The following SRRM4 variants were observed in gnomAD, a reference collection of about 807,000 sequenced individuals.
SRRM4 encodes the protein serine/arginine repetitive matrix 4, also known as serine/arginine repetitive matrix protein 4.
A neutral mutation model predicts 68.9 loss-of-function variants in SRRM4; 33 were observed. The observed-to-expected ratio is 0.48, with a 90% CI of 0.36 to 0.64. The LOEUF (loss-of-function observed/expected upper bound fraction) is 0.64. Ranked by LOEUF, SRRM4 falls within the 30% of genes least tolerant of loss-of-function variation. The pLI is 0.00. For synonymous variants in SRRM4, 318 were observed against 318.8 expected (o/e 1.00, Z 0.03); for missense variants, 817 against 827.1 (o/e 0.99, Z 0.15).
chr12:118,982,692 T>TG (rs1565882810), intron 1 of SRRM4, among the ~76,000 whole-genome samples: 26 of 102,774 alleles, frequency 2.5e-4, no homozygotes, highest in African/African-American at 9.1e-4. Context: ...TTTTTTTTTT[T>TG]TTTCCAAAAA....
chr12:119,068,897 G>A (rs1270485387), intron 1 of SRRM4, among the ~76,000 whole-genome samples: 1 of 152,082 alleles, frequency 6.6e-6, no homozygotes, highest in South Asian at 2.1e-4. Flanking sequence ...CGGGAGGGGA[G>A]GGCGACGAGT....
chr12:119,070,570 G>A (rs1953872300), intron 1 of SRRM4, among the ~76,000 whole-genome samples: 1 of 151,850 alleles, frequency 6.6e-6, no homozygotes, highest in Non-Finnish European at 1.5e-5. Flanking sequence ...ATATGGGGAG[G>A]TTTTAGGCGA....
chr12:118,985,339 T>A (rs1953275085), intron 1 of SRRM4, among the ~76,000 whole-genome samples: 1 of 152,222 alleles, frequency 6.6e-6, no homozygotes, highest in Non-Finnish European at 1.5e-5. Context: ...AACATTTCCA[T>A]GGAGCATTCT....
chr12:119,117,912 AAAACAAACAAAC>A (rs35121840), intron 4 of SRRM4, among the ~76,000 whole-genome samples: 4 of 152,066 alleles, frequency 2.6e-5, no homozygotes, highest in East Asian at 1.9e-4. Context: ...CTCTGTCTAA[AAAACAAACAAAC>A]AAACAAACAA....
intron 1 of SRRM4, among the ~76,000 whole-genome samples, chr12:119,097,472 C>T (rs1022595075): frequency 2.6e-5 from 4 of 152,246 alleles, no homozygotes; most frequent in Non-Finnish European, 5.9e-5. Flanking sequence ...GGAAGCTACA[C>T]GACGGTTTCC....
chr12:119,064,674 G>A (rs1229739657), intron 1 of SRRM4, among the ~76,000 whole-genome samples: 1 of 152,120 alleles, frequency 6.6e-6, no homozygotes, highest in Non-Finnish European at 1.5e-5. Context: ...TTAAAGCTTA[G>A]GGGTTTGTCG....
intron 7 of SRRM4, 101 bp from the exon 8 acceptor site, chr12:119,130,577 C>T (rs1039278907): frequency 4.9e-6 from 6 of 1,220,088 alleles, no homozygotes; most frequent in South Asian, 4.7e-5. Flanking sequence ...ACAAACACCC[C>T]CAAACACACT....
At chr12:119,083,537 C>T (rs1389964442) in intron 1 of SRRM4, among the ~76,000 whole-genome samples, 1 of 152,100 alleles carries the variant, frequency 6.6e-6, no homozygotes, top group Non-Finnish European at 1.5e-5. Flanking sequence ...AGATATTAAG[C>T]TCCAGCCACC....
At chr12:119,120,139 C>T in intron 4 of SRRM4, 111 bp from the exon 5 acceptor site, 1 of 619,240 alleles carries the variant, frequency 1.6e-6, no homozygotes, top group African/African-American at 1.9e-5. Context: ...TTTCTTCCTT[C>T]CTCCTTTCTC....
intron 7 of SRRM4, among the ~76,000 whole-genome samples, chr12:119,126,086 C>T (rs1383952915): frequency 4.4e-5 from 5 of 114,776 alleles, no homozygotes; most frequent in African/African-American, 1.4e-4. Context: ...TGCAGGGGGG[C>T]GATCTTGGCT....
rs1173006513 is a variant in SRRM4, at chr12:119,156,553, A to G, written c.1591A>G (p.Ser531Gly). The G allele has an allele frequency of 6.2e-7, 1 of 1,611,536 alleles. No homozygotes were observed. The highest frequency in any genetic ancestry group is 8.5e-7 in the Non-Finnish European group (1 of 1,179,648). Residue 531 changes from serine (S) to glycine (G), a missense_variant, in exon 13 of 13, where the codon AGC becomes GGC. Physicochemically the swap from Ser to Gly is moderately conservative, Grantham distance 56. Transcript: ENST00000267260. ...RPSPSSSGSL[S>G]STSSWYSSSS... ...CAGCCCCTCCTCATCCGGCAGCCTC[A>G]GCAGCACCTCCTCCTGGTACAGCAG...
At position 118,988,788 on chromosome 12, in the gene SRRM4, A is replaced by T. The variant is rs552708785; in HGVS notation, c.131+6775A>T. Among the ~76,000 whole-genome samples the T allele has an allele frequency of 2.0e-5, 3 of 152,302 alleles. No homozygotes were observed. The East Asian group carries it at 5.8e-4, about 29-fold the overall frequency. ...ATGAAGAACCAAATAAATAAATGAGAGCTGGTGGTAATGCATTCTGTAAAG... is the reference window on the plus strand; with the variant it reads ...ATGAAGAACCAAATAAATAAATGAGTGCTGGTGGTAATGCATTCTGTAAAG... On this transcript the variant is annotated intron_variant, in intron 1 of 12. Transcript: ENST00000267260.
At position 118,998,268 on chromosome 12, in the gene SRRM4, C is replaced by CAAAAAAAAAAAAAA. The variant is rs35250419; in HGVS notation, c.131+16273_131+16286dup. Among the ~76,000 whole-genome samples, 50 of 36,584 alleles carry CAAAAAAAAAAAAAA rather than the reference C, an allele frequency of 1.4e-3. 8 individuals are homozygous for CAAAAAAAAAAAAAA. Among genetic ancestry groups the CAAAAAAAAAAAAAA allele is most frequent in the Admixed American group, 2.6e-3 (5 of 1,902 alleles). 24.0% of individuals were successfully genotyped at this position (36,584 alleles called of 152,430 possible). ...AACTGAGTGGATAAGAGCAATATGG[C>CAAAAAAAAAAAAAA]AAAAAAAAAAAAAAAAAAAAAAAAA... is the stretch of plus-strand genomic sequence containing the variant. On this transcript the variant is annotated intron_variant, in intron 1 of 12. Transcript: ENST00000267260.
rs1011962542 is a variant in SRRM4, at chr12:119,158,127, C to T, written c.*1329C>T. The T allele has an allele frequency of 3.3e-5, 5 of 152,694 alleles. No individual in the cohort carries two copies. The highest frequency in any genetic ancestry group is 9.7e-5 in the African/African-American group (4 of 41,436). The allele number at this position is 152,694 out of a possible 1,614,324, so 9.5% of individuals were successfully genotyped here. A position where few individuals can be genotyped will look rare whatever the true frequency, so the allele number is the denominator to read the frequency against. On this transcript the variant is annotated 3_prime_UTR_variant, in exon 13 of 13. Coordinates refer to ENST00000267260, the MANE Select transcript of SRRM4 (RefSeq NM_194286.4). ...CACAAATACCACCAGCTGCTTCATC[C>T]ACAGAAGGCGCTAAGAACGGGGAGG...
At chr12:119,056,881 C>A (rs1206304103) in intron 1 of SRRM4, among the ~76,000 whole-genome samples, 2 of 152,154 alleles carry the variant, frequency 1.3e-5, no homozygotes, top group Non-Finnish European at 2.9e-5. Flanking sequence ...ATAGCAGAGA[C>A]CCACCTGTCT....
At chr12:119,123,484 A>G (rs1431826178) in intron 6 of SRRM4, among the ~76,000 whole-genome samples, 1 of 121,034 alleles carries the variant, frequency 8.3e-6, no homozygotes, top group East Asian at 2.5e-4. Flanking sequence ...GTAGGCCCAG[A>G]CCTCAACAGC....
chr12:119,012,809 C>G (rs1402600450), intron 1 of SRRM4, among the ~76,000 whole-genome samples: 1 of 152,176 alleles, frequency 6.6e-6, no homozygotes, highest in East Asian at 1.9e-4. Flanking sequence ...TTTCTTGTCT[C>G]TATTGATACT....
chr12:119,103,828 C>G (rs1954091132), intron 2 of SRRM4, among the ~76,000 whole-genome samples: 1 of 152,064 alleles, frequency 6.6e-6, no homozygotes. Context: ...CATGGTGAAA[C>G]CCTTGTCTCT....
intron 1 of SRRM4, among the ~76,000 whole-genome samples, chr12:119,032,141 T>TA (rs1374238506): frequency 6.6e-6 from 1 of 152,160 alleles, no homozygotes; most frequent in African/African-American, 2.4e-5. Flanking sequence ...TGAGTGATGG[T>TA]ATAATAATAT....
Sources: allele counts gnomAD v4.1 joint callset (sites outside exome capture counted in the v4.1 genomes callset), GRCh38; gene constraint gnomAD v4.1.1; transcripts MANE v1.5; gene names NCBI Gene and HGNC (gene_info 2026-07-23, HGNC 2026-07-21).